MSN: variants seen among roughly 807,000 people sequenced by gnomAD.
The protein encoded by MSN is moesin, also known as epididymis luminal protein 70.
In MSN, 2 loss-of-function variants were observed where a neutral mutation model predicts 48.0. The ratio of observed to expected loss-of-function variants is 0.04; its 90% CI spans 0.02 to 0.13. The LOEUF is 0.13. Among genes scored for constraint, MSN ranks in the 10% least tolerant of loss-of-function variants. The pLI, the probability that MSN is intolerant of heterozygous loss-of-function variation, is 1.00. For synonymous variants in MSN, 146 were observed against 166.9 expected (o/e 0.87, Z 0.97); for missense variants, 267 against 470.1 (o/e 0.57, Z 3.99).
At chrX:65,732,014 A>G in intron 6 of MSN, 30 bp downstream of exon 6, 1 of 1,189,877 alleles carries the variant, frequency 8.4e-7, no homozygotes, top group Non-Finnish European at 1.1e-6. Flanking sequence ...TAGTTTATTT[A>G]GGTCACGTTA....
At chrX:65,593,779 G>T (rs1430800122) in intron 1 of MSN, among the ~76,000 whole-genome samples, 1 of 112,545 alleles carries the variant, frequency 8.9e-6, no homozygotes, top group African/African-American at 3.2e-5. Context: ...CTGACCTCAG[G>T]TGATCCACCT....
intron 1 of MSN, among the ~76,000 whole-genome samples, chrX:65,659,718 TGAAAAAGACTTGCCTGTCTCCCTTA>T (rs1421403327): frequency 9.0e-6 from 1 of 111,588 alleles, no homozygotes; most frequent in African/African-American, 3.3e-5. Context: ...CTGTACTGCT[TGAAAAAGACTTGCCTGTCTCCCTTA>T]GAACTTTCTG....
At chrX:65,648,962 T>C (rs917331398) in intron 1 of MSN, among the ~76,000 whole-genome samples, 1 of 109,828 alleles carries the variant, frequency 9.1e-6, no homozygotes, top group Non-Finnish European at 1.9e-5. Flanking sequence ...AGGTAAGGCC[T>C]GGGTATGGAT....
intron 1 of MSN, among the ~76,000 whole-genome samples, chrX:65,596,225 G>A (rs2070185574): frequency 9.0e-6 from 1 of 111,381 alleles, no homozygotes. Context: ...CTGACTTCTA[G>A]TCTCCAAGAA....
chrX:65,683,545 C>T (rs778783614), intron 1 of MSN, among the ~76,000 whole-genome samples: 2 of 109,587 alleles, frequency 1.8e-5, no homozygotes, highest in South Asian at 7.9e-4. Flanking sequence ...TTCCTCCCAT[C>T]CACTCCTGAG....
intron 1 of MSN, among the ~76,000 whole-genome samples, chrX:65,643,354 G>T (rs1004493119): frequency 9.0e-6 from 1 of 111,085 alleles, no homozygotes; most frequent in Non-Finnish European, 1.9e-5. Flanking sequence ...CTGCTTCTGA[G>T]TGTCTAGAGG....
intron 1 of MSN, among the ~76,000 whole-genome samples, chrX:65,622,225 G>A (rs1165278171): frequency 1.9e-5 from 2 of 106,971 alleles, no homozygotes; most frequent in African/African-American, 3.4e-5. Flanking sequence ...CTCCTGAGTA[G>A]CTGGGATTAC....
At chrX:65,645,657 CTTAGGTGTGGCTCCAACAT>C (rs2070689945) in intron 1 of MSN, among the ~76,000 whole-genome samples, 2 of 111,297 alleles carry the variant, frequency 1.8e-5, no homozygotes, top group Admixed American at 9.6e-5. Flanking sequence ...TGTGGAAATG[CTTAGGTGTGGCTCCAACAT>C]AGAGGAAACG....
chrX:65,598,941 A>G (rs2070208338), intron 1 of MSN, among the ~76,000 whole-genome samples: 1 of 111,623 alleles, frequency 9.0e-6, no homozygotes, highest in Non-Finnish European at 1.9e-5. Context: ...GGCAGACTTC[A>G]TGGAGGAGGT....
chrX:65,733,934 G>A (rs764913458), intron 7 of MSN, among the ~76,000 whole-genome samples: 8 of 110,190 alleles, frequency 7.3e-5, no homozygotes, highest in South Asian at 3.7e-4. Context: ...GATTATAGGC[G>A]TGAGCCACCA....
At position 65,739,869 on chromosome X, in the gene MSN, C is replaced by T; in HGVS notation, c.1710C>T (p.Arg570=). 1 of 1,208,486 alleles carries T rather than the reference C, an allele frequency of 8.3e-7. No individual in the cohort carries two copies. ...RQIRQGNTKQ[R]IDEFESM ...TCCGGCAGGGCAACACCAAGCAGCGCATTGACGAATTTGAGTCTATGTAAT... is the reference window on the plus strand; with the variant it reads ...TCCGGCAGGGCAACACCAAGCAGCGTATTGACGAATTTGAGTCTATGTAAT... Residue 570 remains arginine (R), a synonymous_variant, in exon 13 of 13, where the codon CGC becomes CGT. Transcript: ENST00000360270.
intron 1 of MSN, among the ~76,000 whole-genome samples, chrX:65,646,272 G>T (rs1170593537): frequency 9.0e-6 from 1 of 111,484 alleles, no homozygotes; most frequent in Non-Finnish European, 1.9e-5. Flanking sequence ...CCTCAACAGG[G>T]TTCCTCAGTT....
intron 2 of MSN, among the ~76,000 whole-genome samples, chrX:65,720,606 C>T (rs974780318): frequency 6.2e-5 from 7 of 112,019 alleles, no homozygotes; most frequent in Non-Finnish European, 1.3e-4. Context: ...GGAGGAAGTC[C>T]GTTCTGTCTG....
Position 65,660,649 on chromosome X carries a change from C to A in MSN, c.-21-56169C>A, listed in dbSNP as rs770534115. On this transcript the variant is annotated intron_variant, in intron 1 of 3. Coordinates refer to the MSN transcript ENST00000609672. ...TGGCGCCGTCTCGGCTCACTGCAAC[C>A]TCCACCTCCTGGGTTCAAGCAATTC... is the stretch of plus-strand genomic sequence containing the variant. 1.2e-3 allele frequency among the ~76,000 whole-genome samples: 130 copies of A among 108,418 alleles called. 1 individual carries two copies. Among genetic ancestry groups the A allele is most frequent in the African/African-American group, 4.0e-3 (120 of 29,691 alleles). 94.1% of individuals were successfully genotyped at this position (108,418 alleles called of 115,157 possible).
At chrX:65,684,260 G>A (rs1190639008) in intron 1 of MSN, among the ~76,000 whole-genome samples, 2 of 110,083 alleles carry the variant, frequency 1.8e-5, no homozygotes, top group Non-Finnish European at 3.8e-5. Context: ...CTTTTTTCAT[G>A]CATTTGTATA....
chrX:65,595,268 T>A (rs189972390), intron 1 of MSN, among the ~76,000 whole-genome samples: 28 of 112,273 alleles, frequency 2.5e-4, no homozygotes, highest in Admixed American at 1.7e-3. Context: ...TGGAACTAAC[T>A]TGTTCCCATA....
At chrX:65,641,863 G>A (rs976094724) in intron 1 of MSN, among the ~76,000 whole-genome samples, 42 of 108,641 alleles carry the variant, frequency 3.9e-4, no homozygotes, top group East Asian at 8.8e-4. Flanking sequence ...GGCCGGGCGC[G>A]GTGGCTCATG....
chrX:65,703,861 C>T (rs918308645), intron 1 of MSN, among the ~76,000 whole-genome samples: 4 of 112,237 alleles, frequency 3.6e-5, no homozygotes, highest in Non-Finnish European at 5.6e-5. Flanking sequence ...CATGAGCCAC[C>T]ACGCTCAGCT....
chrX:65,641,819 T>C, intron 1 of MSN, among the ~76,000 whole-genome samples: 1 of 107,221 alleles, frequency 9.3e-6, no homozygotes, highest in East Asian at 2.9e-4. Context: ...CATAAAATTG[T>C]TTGATAGTGT....
Sources: gnomAD v4.1 joint callset for allele counts (sites outside exome capture counted in the v4.1 genomes callset) on GRCh38, gnomAD v4.1.1 for gene constraint, MANE v1.5 for transcripts, NCBI Gene and HGNC (gene_info 2026-07-23, HGNC 2026-07-21) for gene names.